Variants in AGBL4 observed in about 807,000 individuals in gnomAD.
AGBL4 encodes the protein cytosolic carboxypeptidase 6.
AGBL4 carries 58 observed loss-of-function variants against 66.4 expected under a neutral mutation model. The ratio of observed to expected loss-of-function variants is 0.87; its 90% confidence interval spans 0.71 to 1.09. The LOEUF (loss-of-function observed/expected upper bound fraction) is 1.09. AGBL4 is among the 50% of genes least tolerant of loss of function. The probability of loss-of-function intolerance (pLI) is 0.00; values close to 1 mark genes in which losing one functional copy is unlikely to be tolerated. For missense variants in AGBL4, 579 were observed against 631.0 expected, an observed-to-expected ratio of 0.92 and a Z score of 0.88; for synonymous variants, 234 against 222.9, an observed-to-expected ratio of 1.05 and a Z score of -0.44.
intron 3 of AGBL4, among the ~76,000 whole-genome samples, chr1:49,496,763 T>C (rs1310130652): frequency 6.6e-6 from 1 of 152,020 alleles, no homozygotes; most frequent in African/African-American, 2.4e-5. Context: ...TCTTTATTCA[T>C]TCATCGGCTG....
chr1:49,515,174 C>T (rs1342528701), intron 3 of AGBL4, among the ~76,000 whole-genome samples: 6 of 152,056 alleles, frequency 3.9e-5, no homozygotes, highest in African/African-American at 7.2e-5. Context: ...CTACAATGAA[C>T]TCAAAGAAAT....
intron 1 of AGBL4, among the ~76,000 whole-genome samples, chr1:49,948,305 TAA>T (rs1234410977): frequency 1.8e-5 from 2 of 108,934 alleles, no homozygotes; most frequent in East Asian, 2.4e-4. Flanking sequence ...AAAATATATA[TAA>T]ATATATATAT....
At chr1:49,420,507 T>C (rs1038368235) in intron 3 of AGBL4, among the ~76,000 whole-genome samples, 1 of 152,112 alleles carries the variant, frequency 6.6e-6, no homozygotes, top group Non-Finnish European at 1.5e-5. Context: ...GAGACCATCC[T>C]GGCAAACACG....
At chr1:49,429,620 G>T (rs1645739619) in intron 3 of AGBL4, among the ~76,000 whole-genome samples, 1 of 151,944 alleles carries the variant, frequency 6.6e-6, no homozygotes. Context: ...ACTTCTATCT[G>T]TCTCCAATGT....
At chr1:49,387,395 A>G (rs1414952676) in intron 3 of AGBL4, among the ~76,000 whole-genome samples, 1 of 151,916 alleles carries the variant, frequency 6.6e-6, no homozygotes. Flanking sequence ...AAGCAGCTCA[A>G]CCTACTTTAT....
intron 6 of AGBL4, among the ~76,000 whole-genome samples, chr1:48,839,354 C>A (rs1309364273): frequency 6.6e-6 from 1 of 151,860 alleles, no homozygotes; most frequent in Non-Finnish European, 1.5e-5. Context: ...TATATATACA[C>A]ACATATATGT....
chr1:48,547,345 G>A (rs1644180778), intron 11 of AGBL4, among the ~76,000 whole-genome samples: 1 of 152,108 alleles, frequency 6.6e-6, no homozygotes, highest in Admixed American at 6.5e-5. Flanking sequence ...CAGTAGAGAT[G>A]GGAAGATGTA....
In AGBL4 at chr1:49,301,586, G is replaced by T. The variant is rs1213795380; in HGVS notation, c.283-55722C>A. ...TGGTAGGGGCTTGAATTCTGCTAAG[G>T]TATAGGAATAATTAAACAATACCTA... On this transcript the variant is annotated intron_variant, in intron 3 of 13. Transcript: ENST00000371839. 2.0e-5 allele frequency among the ~76,000 whole-genome samples: 3 copies of T among 152,172 alleles called. No homozygotes were observed. In the South Asian group the frequency reaches 6.2e-4, roughly 31 times the overall value.
rs191970202 is a variant in AGBL4, at chr1:49,789,299, T to A, written c.157+62097A>T. Reference sequence around the variant, plus strand: ...TTCATCAGGGATATTGGACTGAAGTTTTCTTTTTTTGTTGTGTCTCTGCCA... The same window carrying A: ...TTCATCAGGGATATTGGACTGAAGTATTCTTTTTTTGTTGTGTCTCTGCCA... On this transcript the variant is annotated intron_variant, in intron 2 of 13. Transcript: ENST00000371839. Among the ~76,000 whole-genome samples the A allele has an allele frequency of 3.5e-3, 533 of 152,298 alleles. 1 individual carries two copies. The highest frequency in any genetic ancestry group is 0.017 in the Middle Eastern group (5 of 294).
At chr1:49,398,000 T>C (rs1456080501) in intron 3 of AGBL4, among the ~76,000 whole-genome samples, 1 of 152,150 alleles carries the variant, frequency 6.6e-6, no homozygotes, top group Admixed American at 6.5e-5. Flanking sequence ...GCAGAAAATC[T>C]CATTAAAGTA....
At chr1:48,683,452 C>T (rs1156719110) in intron 6 of AGBL4, among the ~76,000 whole-genome samples, 2 of 152,220 alleles carry the variant, frequency 1.3e-5, no homozygotes, top group African/African-American at 4.8e-5. Flanking sequence ...GTGCAGTCCA[C>T]ACAGAGTCTC....
chr1:49,321,145 A>T (rs1329174649), intron 3 of AGBL4, among the ~76,000 whole-genome samples: 2 of 152,176 alleles, frequency 1.3e-5, no homozygotes, highest in Non-Finnish European at 2.9e-5. Flanking sequence ...GGTTACCTCC[A>T]CTTTGAATCT....
At chr1:48,627,114 T>G (rs1356958248) in intron 9 of AGBL4, among the ~76,000 whole-genome samples, 1 of 152,100 alleles carries the variant, frequency 6.6e-6, no homozygotes, top group African/African-American at 2.4e-5. Context: ...CTCGAAAGCC[T>G]GTCAGGTATG....
intron 9 of AGBL4, among the ~76,000 whole-genome samples, chr1:48,628,922 A>C (rs1645548635): frequency 6.9e-6 from 1 of 145,568 alleles, no homozygotes; most frequent in Non-Finnish European, 1.5e-5. Flanking sequence ...CTGGAATTAA[A>C]ATTTCATAAG....
intron 2 of AGBL4, among the ~76,000 whole-genome samples, chr1:49,747,558 C>A (rs1025349372): frequency 2.0e-5 from 3 of 152,082 alleles, no homozygotes; most frequent in African/African-American, 4.8e-5. Flanking sequence ...TTTTTCCTAA[C>A]CCAAAATGAT....
At chr1:49,409,643 A>G (rs899054647) in intron 3 of AGBL4, among the ~76,000 whole-genome samples, 2 of 152,204 alleles carry the variant, frequency 1.3e-5, no homozygotes, top group Non-Finnish European at 2.9e-5. Flanking sequence ...TATCTTTGTC[A>G]TCTTTCTTAA....
chr1:48,610,275 C>T (rs1343116070), intron 9 of AGBL4, among the ~76,000 whole-genome samples: 1 of 152,156 alleles, frequency 6.6e-6, no homozygotes, highest in Non-Finnish European at 1.5e-5. Flanking sequence ...CTCTGCATCC[C>T]CAGTGCTCAG....
intron 5 of AGBL4, among the ~76,000 whole-genome samples, chr1:48,906,380 C>T (rs1652590971): frequency 3.3e-5 from 5 of 152,166 alleles, no homozygotes; most frequent in Admixed American, 3.3e-4. Context: ...GACAGAGTCC[C>T]TGCCTTTAGC....
intron 3 of AGBL4, among the ~76,000 whole-genome samples, chr1:49,334,709 G>C (rs1455022670): frequency 6.6e-6 from 1 of 152,138 alleles, no homozygotes; most frequent in African/African-American, 2.4e-5. Context: ...TTCTCCCTAG[G>C]AATTAGGCTC....
Sources: allele counts gnomAD v4.1 joint callset (sites outside exome capture counted in the v4.1 genomes callset), GRCh38; gene constraint gnomAD v4.1.1; transcripts MANE v1.5; gene names NCBI Gene and HGNC (gene_info 2026-07-23, HGNC 2026-07-21).